The following CFAP77 variants were observed in gnomAD, a reference collection of about 807,000 sequenced individuals.
CFAP77 encodes the protein cilia- and flagella-associated protein 77.
In CFAP77, 25 loss-of-function variants were observed where a neutral mutation model predicts 31.1. The ratio of observed to expected loss-of-function variants is 0.80; its 90% CI spans 0.59 to 1.12. The LOEUF (loss-of-function observed/expected upper bound fraction) is 1.12, where lower values mean the gene tolerates loss of function less well. Among genes scored for constraint, CFAP77 ranks in the 50% most tolerant of loss-of-function variants. The probability of loss-of-function intolerance (pLI) is 0.00; values close to 1 mark genes in which losing one functional copy is unlikely to be tolerated. For missense variants in CFAP77, 377 were observed against 397.3 expected, an observed-to-expected ratio of 0.95 and a Z score of 0.44; for synonymous variants, 151 against 159.9, an observed-to-expected ratio of 0.94 and a Z score of 0.42.
In CFAP77 at chr9:132,565,661, A is replaced by C. The variant is rs1488026643; in HGVS notation, c.733-6727A>C. Among the ~76,000 whole-genome samples, 2 of 152,106 alleles carry C rather than the reference A, an allele frequency of 1.3e-5. No homozygotes were observed. The highest frequency in any genetic ancestry group is 4.8e-5 in the African/African-American group (2 of 41,432). ...AAAAAAAGAAGATAGCTCTTGTCTA[A>C]ATGTCACAAACAATCACATGTACAG... On this transcript the variant is annotated intron_variant, in intron 5 of 5. Transcript: ENST00000393216. This position sits in a 1 kb window ranked among gnomAD's most constrained non-coding sequence, Gnocchi z 4.1.
At chr9:132,442,764 A>G (rs1850633777) in intron 1 of CFAP77, among the ~76,000 whole-genome samples, 1 of 150,682 alleles carries the variant, frequency 6.6e-6, no homozygotes, top group South Asian at 2.1e-4. Flanking sequence ...CTGGTCTTAA[A>G]CTCCTGGGCT....
rs35920156 is a variant in CFAP77, at chr9:132,481,966, G to A, written c.196-16729G>A. ...GGAACAAGGGTTTATGGTTGGGGGG[G>A]GGGGGGGCGGCGGAACACTGAACAT... is the stretch of plus-strand genomic sequence containing the variant. On this transcript the variant is annotated intron_variant, in intron 1 of 5. Transcript: ENST00000393216. This position sits in a 1 kb window ranked among gnomAD's most constrained non-coding sequence, Gnocchi z 5.0. Among the ~76,000 whole-genome samples the A allele has an allele frequency of 6.9e-4, 105 of 151,412 alleles. 2 individuals are homozygous for A. Among genetic ancestry groups the A allele is most frequent in the Non-Finnish European group, 1.2e-3 (83 of 67,714 alleles).
chr9:132,458,844 C>T (rs1281454955), intron 1 of CFAP77, among the ~76,000 whole-genome samples: 3 of 152,118 alleles, frequency 2.0e-5, no homozygotes, highest in African/African-American at 7.2e-5. Flanking sequence ...AACACTAAAA[C>T]ACTGAGGCAT....
intron 1 of CFAP77, among the ~76,000 whole-genome samples, chr9:132,411,783 A>C (rs1850008246): frequency 6.6e-6 from 1 of 152,020 alleles, no homozygotes; most frequent in Admixed American, 6.6e-5. Flanking sequence ...ACTTCTTCCT[A>C]CTGAAGTGTA....
chr9:132,458,338 C>T (rs1264145133), intron 1 of CFAP77, among the ~76,000 whole-genome samples: 1 of 44,254 alleles, frequency 2.3e-5, no homozygotes, highest in African/African-American at 9.1e-5. Flanking sequence ...CTTTGTCTCC[C>T]TGGCGGGGGA....
chr9:132,474,742 A>C (rs574632100), intron 1 of CFAP77, among the ~76,000 whole-genome samples: 1 of 152,338 alleles, frequency 6.6e-6, no homozygotes, highest in South Asian at 2.1e-4. Flanking sequence ...CGCGTGACTC[A>C]GGGCAGGTTG....
At chr9:132,452,671 C>A (rs529244121) in intron 1 of CFAP77, among the ~76,000 whole-genome samples, 27 of 152,284 alleles carry the variant, frequency 1.8e-4, no homozygotes, top group African/African-American at 6.3e-4. Context: ...GGACTAGGAC[C>A]TCGGTGGAAG....
rs1851444530 is a variant in CFAP77 at position 132,481,388 on chromosome 9, T to C, written c.196-17307T>C. ...CAAGTCCTGCCCACTAAAGCTTGTG[T>C]ATTCCTATTTCTTTTCCCTTTGACT... On this transcript the variant is annotated intron_variant, in intron 1 of 5. Coordinates refer to ENST00000393216, the MANE Select transcript of CFAP77 (RefSeq NM_001282957.2). This position sits in a 1 kb window ranked among gnomAD's most constrained non-coding sequence, Gnocchi z 5.0. 6.6e-6 allele frequency among the ~76,000 whole-genome samples: 1 copy of C among 152,156 alleles called. No individual in the cohort carries two copies. Among genetic ancestry groups the C allele is most frequent in the Non-Finnish European group, 1.5e-5 (1 of 68,030 alleles).
intron 1 of CFAP77, among the ~76,000 whole-genome samples, chr9:132,479,562 C>T (rs1339218522): frequency 6.6e-6 from 1 of 152,204 alleles, no homozygotes; most frequent in East Asian, 1.9e-4. Context: ...CTGATCCAAT[C>T]ACCTCCCACC....
At chr9:132,486,016 A>ATGTGTGTGTG (rs1452765012) in intron 1 of CFAP77, among the ~76,000 whole-genome samples, 5 of 16,356 alleles carry the variant, frequency 3.1e-4, no homozygotes, top group African/African-American at 2.2e-3. Flanking sequence ...ATATATATAT[A>ATGTGTGTGTG]TATATATATA....
chr9:132,415,648 C>G (rs1589836567), intron 1 of CFAP77, among the ~76,000 whole-genome samples: 1 of 152,250 alleles, frequency 6.6e-6, no homozygotes, highest in South Asian at 2.1e-4. Context: ...CTGGGGTGAA[C>G]TAATCAGAGG....
At chr9:132,522,895 A>C (rs1188707969) in intron 3 of CFAP77, among the ~76,000 whole-genome samples, 1 of 152,156 alleles carries the variant, frequency 6.6e-6, no homozygotes, top group African/African-American at 2.4e-5. Context: ...CATCACCCTC[A>C]CCACCGGCCA....
At chr9:132,487,219 G>C (rs1295510951) in intron 1 of CFAP77, among the ~76,000 whole-genome samples, 1 of 152,194 alleles carries the variant, frequency 6.6e-6, no homozygotes, top group African/African-American at 2.4e-5. Context: ...GGTTTTGCAG[G>C]GGAGGAAAGA....
At chr9:132,450,667 C>T (rs1850809811) in intron 1 of CFAP77, among the ~76,000 whole-genome samples, 1 of 152,164 alleles carries the variant, frequency 6.6e-6, no homozygotes, top group Non-Finnish European at 1.5e-5. Context: ...ACCACGGCAC[C>T]ACACTGCCCA....
rs775583389 is a variant in CFAP77 at position 132,410,259 on chromosome 9, G to T, written c.-13G>T. On this transcript the variant is annotated 5_prime_UTR_variant, in exon 1 of 6. Transcript: ENST00000393216. ...AAACCAGCCCGCGGGCCGGCTCCCC[G>T]GCGACCTCAAGGATGCCAGAGGCCA... The T allele has an allele frequency of 2.0e-6, 3 of 1,507,262 alleles. No homozygotes were observed. The highest frequency in any genetic ancestry group is 2.4e-5 in the South Asian group (2 of 84,900). 93.4% of individuals were successfully genotyped at this position (1,507,262 alleles called of 1,614,324 possible). A position where few individuals can be genotyped will look rare whatever the true frequency, so the allele number is the denominator to read the frequency against.
intron 1 of CFAP77, among the ~76,000 whole-genome samples, chr9:132,422,236 C>T (rs1465902695): frequency 6.6e-6 from 1 of 152,120 alleles, no homozygotes; most frequent in East Asian, 1.9e-4. Context: ...CTTGAACTCC[C>T]AACCTCAGGT....
At position 132,498,718 on chromosome 9, in the gene CFAP77, A is replaced by G. The variant is rs1171765017; in HGVS notation, c.219A>G (p.Glu73=). 6.2e-7 allele frequency: 1 copy of G among 1,612,432 alleles called. No individual in the cohort carries two copies. The highest frequency in any genetic ancestry group is 1.1e-5 in the South Asian group (1 of 90,608). The change falls in exon 2 of 6, where the codon GAA becomes GAG. Residue 73 remains glutamate, a synonymous_variant. Transcript: ENST00000393216. This position sits in a 1 kb window ranked among gnomAD's most constrained non-coding sequence, Gnocchi z 4.2. ...AGGCTGAACTCGGCAAGCCCCGGGAAAGAAGCTACAGTCTGCCCGGCATTA... is the reference window on the plus strand; with the variant it reads ...AGGCTGAACTCGGCAAGCCCCGGGAGAGAAGCTACAGTCTGCCCGGCATTA... ...IVKAELGKPR[E]RSYSLPGINF... is the part of the protein sequence containing the mutation.
At chr9:132,444,858 C>T (rs973975943) in intron 1 of CFAP77, among the ~76,000 whole-genome samples, 3 of 152,112 alleles carry the variant, frequency 2.0e-5, no homozygotes, top group Admixed American at 1.3e-4. Flanking sequence ...CCACCATCAC[C>T]ACCATCCAGC....
At chr9:132,434,254 G>A (rs892164504) in intron 1 of CFAP77, among the ~76,000 whole-genome samples, 2 of 152,090 alleles carry the variant, frequency 1.3e-5, no homozygotes, top group African/African-American at 4.8e-5. Flanking sequence ...ATGTGGCCCC[G>A]CTCTTTGCCG....
Sources: gnomAD v4.1 joint callset for allele counts (sites outside exome capture counted in the v4.1 genomes callset) on GRCh38, gnomAD v4.1.1 for gene constraint, Gnocchi (gnomAD v3.1) non-coding constraint, MANE v1.5 for transcripts, NCBI Gene and HGNC (gene_info 2026-07-23, HGNC 2026-07-21) for gene names.